Variants in SDHAF2 observed in about 807,000 individuals in gnomAD.
SDHAF2 encodes the protein succinate dehydrogenase assembly factor 2, mitochondrial.
SDHAF2 carries 21 observed loss-of-function variants against 18.5 expected under a neutral mutation model. That is an observed-to-expected ratio of 1.13 (90% confidence interval 0.80 to 1.63). The LOEUF (loss-of-function observed/expected upper bound fraction) is 1.63, where lower values mean the gene tolerates loss of function less well. Among genes scored for constraint, SDHAF2 ranks in the 40% most tolerant of loss-of-function variants. The pLI, the probability that SDHAF2 is intolerant of heterozygous loss-of-function variation, is 0.00. For synonymous variants in SDHAF2, 84 were observed against 70.7 expected, an observed-to-expected ratio of 1.19 and a Z score of -0.94; for missense variants, 195 against 200.3, an observed-to-expected ratio of 0.97 and a Z score of 0.16.
At chr11:61,430,204 G>GCGCC in intron 1 of SDHAF2, 22 bp downstream of exon 1, 1 of 1,614,154 alleles carries the variant, frequency 6.2e-7, no homozygotes, top group Non-Finnish European at 8.5e-7. Flanking sequence ...GAACGTTCTA[G>GCGCC]CGTCCGGGGC....
At chr11:61,436,339 A>T (rs1045552862) in intron 1 of SDHAF2, among the ~76,000 whole-genome samples, 7 of 152,148 alleles carry the variant, frequency 4.6e-5, no homozygotes, top group Admixed American at 1.3e-4. Flanking sequence ...TTGGATGCAT[A>T]CTGCACCTGT....
chr11:61,430,505 T>C, intron 1 of SDHAF2: 1 of 483,124 alleles, frequency 2.1e-6, no homozygotes. Context: ...TCTTTAATGC[T>C]TTTCGTGGTT....
Position 61,443,974 on chromosome 11 carries a change from C to T in SDHAF2, c.371-1967C>T, listed in dbSNP as rs1243972243. ...ATTTTCAGTAGAGACGGGGTTTCAC[C>T]GTTTTAGCCAGGATGGTCTTGATCT... On this transcript the variant is annotated intron_variant, in intron 3 of 3. Coordinates refer to ENST00000301761, the MANE Select transcript of SDHAF2 (RefSeq NM_017841.4). 6.6e-5 allele frequency among the ~76,000 whole-genome samples: 10 copies of T among 152,274 alleles called. No individual in the cohort carries two copies. In the South Asian group the frequency reaches 1.5e-3, roughly 22 times the overall value.
intron 3 of SDHAF2, among the ~76,000 whole-genome samples, chr11:61,444,869 T>C (rs1862119228): frequency 6.6e-6 from 1 of 152,252 alleles, no homozygotes; most frequent in Non-Finnish European, 1.5e-5. Context: ...GAAGGGCCTC[T>C]TTTTCCTTAG....
intron 1 of SDHAF2, chr11:61,436,717 C>CA: frequency 2.2e-6 from 1 of 449,470 alleles, no homozygotes; most frequent in Middle Eastern, 7.3e-4. Context: ...TTTGTGCTCA[C>CA]CTGGGGAGCA....
At chr11:61,440,175 T>C (rs1439864303) in intron 3 of SDHAF2, among the ~76,000 whole-genome samples, 1 of 151,522 alleles carries the variant, frequency 6.6e-6, no homozygotes, top group African/African-American at 2.4e-5. Flanking sequence ...GTTAGCCGCG[T>C]GTGGTGGTGC....
chr11:61,442,388 G>A (rs1862078710), intron 3 of SDHAF2, among the ~76,000 whole-genome samples: 1 of 152,148 alleles, frequency 6.6e-6, no homozygotes, highest in South Asian at 2.1e-4. Flanking sequence ...ATTCCCTCCG[G>A]TGTTACCATG....
Position 61,430,178 on chromosome 11 carries a change from C to A in SDHAF2, c.32C>A (p.Ser11Ter), listed in dbSNP as rs148425779. ...GTGTCTACAGTGTTCTCGACTTCGT[C>A]GCTGGTGAGGAGAGAGAACGTTCTA... The part of the protein sequence containing the change: MAVSTVFSTS[S>*]LMLALSRHSL... Residue 11 changes from serine (S) to a stop codon, truncating the protein, a stop_gained, in exon 1 of 4, where the codon TCG (serine) becomes TAG (stop). Coordinates refer to ENST00000301761, the MANE Select transcript of SDHAF2 (RefSeq NM_017841.4). LOFTEE classifies it high-confidence loss of function. 1 of 1,614,188 alleles carries A rather than the reference C, an allele frequency of 6.2e-7. No individual in the cohort carries two copies.
At chr11:61,443,813 C>T (rs1434423945) in intron 3 of SDHAF2, among the ~76,000 whole-genome samples, 2 of 151,798 alleles carry the variant, frequency 1.3e-5, no homozygotes, top group Non-Finnish European at 2.9e-5. Context: ...CTCACTCTGT[C>T]ACCCAGACTG....
Position 61,438,070 on chromosome 11 carries a change from T to G in SDHAF2, c.327T>G (p.Ile109Met), listed in dbSNP as rs757670376. Reference sequence around the variant, plus strand: ...AGCTGAACCTCTATGACCGCCTGATTAACGAGCCTAGTAATGACTGGGATA... The same window carrying G: ...AGCTGAACCTCTATGACCGCCTGATGAACGAGCCTAGTAATGACTGGGATA... ...EKQLNLYDRL[I>M]NEPSNDWDIY... The change falls in exon 3 of 4, where the codon ATT (isoleucine) becomes ATG (methionine). Residue 109 changes from isoleucine (I) to methionine (M), a missense_variant. Physicochemically the swap from Ile to Met is conservative, Grantham distance 10. Transcript: ENST00000301761. The G allele has an allele frequency of 6.2e-7, 1 of 1,614,098 alleles. No homozygotes were observed. The highest frequency in any genetic ancestry group is 8.5e-7 in the Non-Finnish European group (1 of 1,179,980).
chr11:61,444,934 G>T (rs1265322205), intron 3 of SDHAF2, among the ~76,000 whole-genome samples: 1 of 152,026 alleles, frequency 6.6e-6, no homozygotes. Flanking sequence ...TTTGAGAAAA[G>T]TCATAATATT....
chr11:61,441,918 C>G (rs1200832068), intron 3 of SDHAF2, among the ~76,000 whole-genome samples: 10 of 147,194 alleles, frequency 6.8e-5, no homozygotes, highest in African/African-American at 2.5e-4. Context: ...GGATCTCACT[C>G]TGTCACCCAG....
chr11:61,438,955 A>T (rs1276314405), intron 3 of SDHAF2, among the ~76,000 whole-genome samples: 1 of 152,106 alleles, frequency 6.6e-6, no homozygotes, highest in East Asian at 1.9e-4. Context: ...GAGGCAAGAG[A>T]ATCGCTTGAG....
chr11:61,440,181 G>T (rs542987357), intron 3 of SDHAF2, among the ~76,000 whole-genome samples: 1 of 152,084 alleles, frequency 6.6e-6, no homozygotes, highest in East Asian at 1.9e-4. Flanking sequence ...CGCGTGTGGT[G>T]GTGCGCCCAG....
chr11:61,430,143 G>A lies in SDHAF2; in HGVS notation c.-4G>A, dbSNP rs948745403. 1.2e-5 allele frequency: 19 copies of A among 1,614,108 alleles called. No individual in the cohort carries two copies. The highest frequency in any genetic ancestry group is 1.6e-5 in the Non-Finnish European group (19 of 1,180,028). The stretch of plus-strand genomic sequence containing the variant: ...GCAGCCGGTTTCCGGTGCAGGTGGG[G>A]AAAATGGCGGTGTCTACAGTGTTCT... On this transcript the variant is annotated 5_prime_UTR_variant, in exon 1 of 4. Transcript: ENST00000301761.
At chr11:61,441,440 A>C (rs1862064103) in intron 3 of SDHAF2, among the ~76,000 whole-genome samples, 2 of 151,624 alleles carry the variant, frequency 1.3e-5, no homozygotes, top group African/African-American at 4.9e-5. Flanking sequence ...AGAATCTCTT[A>C]AACCAGGGAG....
intron 3 of SDHAF2, among the ~76,000 whole-genome samples, chr11:61,440,793 A>G (rs1862056714): frequency 6.6e-6 from 1 of 152,236 alleles, no homozygotes; most frequent in South Asian, 2.1e-4. Flanking sequence ...GATAGCAGGT[A>G]AACGAATATG....
At chr11:61,444,648 C>T (rs142945121) in intron 3 of SDHAF2, among the ~76,000 whole-genome samples, 5,629 of 152,064 alleles carry the variant, frequency 0.037, 315 homozygotes, top group African/African-American at 0.12. Context: ...GAGGCTGAGG[C>T]GGGAGAATGG....
At chr11:61,430,365 C>G (rs1861851823) in intron 1 of SDHAF2, 183 bp downstream of exon 1, 1 of 702,236 alleles carries the variant, frequency 1.4e-6, no homozygotes, top group South Asian at 1.7e-5. Flanking sequence ...TTTGGTGAGC[C>G]TACTGTGTGC....
Sources: gnomAD v4.1 joint callset for allele counts (sites outside exome capture counted in the v4.1 genomes callset) on GRCh38, gnomAD v4.1.1 for gene constraint, MANE v1.5 for transcripts, NCBI Gene and HGNC (gene_info 2026-07-23, HGNC 2026-07-21) for gene names.